Variants in TSPAN15 observed in about 807,000 individuals in gnomAD.
TSPAN15 encodes tetraspanin-15.
TSPAN15 carries 20 observed loss-of-function variants against 34.5 expected under a neutral mutation model. The ratio of observed to expected loss-of-function variants is 0.58; its 90% CI spans 0.41 to 0.84. The LOEUF (loss-of-function observed/expected upper bound fraction) is 0.84, where lower values mean the gene tolerates loss of function less well. Ranked by LOEUF, TSPAN15 falls within the 40% of genes least tolerant of loss-of-function variation. The pLI is 0.00. For synonymous variants in TSPAN15, 155 were observed against 153.9 expected (o/e 1.01, Z -0.05); for missense variants, 313 against 386.1 (o/e 0.81, Z 1.59).
At chr10:69,539,070 C>A in the TSPAN15 span, among the ~76,000 whole-genome samples, 1 of 151,886 alleles carries the variant, frequency 6.6e-6, no homozygotes, top group Non-Finnish European at 1.5e-5. Context: ...GTGACATTAG[C>A]AAGGACAGTC....
chr10:69,500,597 C>T (rs1002575403), intron 5 of TSPAN15, among the ~76,000 whole-genome samples: 3 of 151,974 alleles, frequency 2.0e-5, no homozygotes, highest in Non-Finnish European at 2.9e-5. Flanking sequence ...AGTTCAAGCC[C>T]GAAGGTAGCC....
At chr10:69,534,991 C>A in the TSPAN15 span, among the ~76,000 whole-genome samples, 1 of 151,988 alleles carries the variant, frequency 6.6e-6, no homozygotes, top group South Asian at 2.1e-4. Context: ...TCTCAAAAAA[C>A]AACAAAACCC....
the TSPAN15 span, among the ~76,000 whole-genome samples, chr10:69,539,403 G>A: frequency 0.01 from 847 of 80,716 alleles, 21 homozygotes; most frequent in Middle Eastern, 0.027. Context: ...AGGAAGAAGA[G>A]GAAGAGGAAG....
In TSPAN15 at chr10:69,483,784, A is replaced by G. The variant is rs768838134; in HGVS notation, c.190A>G (p.Ile64Val). 1.2e-6 allele frequency: 2 copies of G among 1,614,168 alleles called. No homozygotes were observed. The highest frequency in any genetic ancestry group is 2.2e-5 in the South Asian group (2 of 91,080). ...TLESAFLAPA[I>V]ILILLGVVMF... is the part of the protein sequence containing the mutation. ...TGAAAGTGCCTTCCTGGCTCCAGCC[A>G]TCATCCTCATCCTCCTGGGCGTCGT... Residue 64 changes from isoleucine (I) to valine (V), a missense_variant, in exon 2 of 8, where the codon ATC (isoleucine) becomes GTC (valine). By Grantham distance (29) the Ile-to-Val change is conservative. Transcript: ENST00000373290.
intron 1 of TSPAN15, among the ~76,000 whole-genome samples, chr10:69,464,620 G>C (rs145477300): frequency 6.6e-6 from 1 of 152,216 alleles, no homozygotes; most frequent in Non-Finnish European, 1.5e-5. Context: ...GCTGTAAAAC[G>C]TGGGATTCCC....
chr10:69,547,560 T>G, the TSPAN15 span, among the ~76,000 whole-genome samples: 1 of 152,246 alleles, frequency 6.6e-6, no homozygotes, highest in Non-Finnish European at 1.5e-5. Flanking sequence ...GTGCATCATT[T>G]TATGTATGCA....
At chr10:69,508,885 G>A (rs1480870807), downstream of TSPAN15, among the ~76,000 whole-genome samples, 1 of 152,188 alleles carries the variant, frequency 6.6e-6, no homozygotes, top group Non-Finnish European at 1.5e-5. Flanking sequence ...CATGGTACTA[G>A]GCATGCAAAA....
Position 69,483,749 on chromosome 10 carries a change from A to G in TSPAN15, c.155A>G (p.Tyr52Cys), listed in dbSNP as rs1424519889. Reference protein sequence around the residue: ...GIYAEVERQKYKTLESAFLAP... With the variant: ...GIYAEVERQKCKTLESAFLAP... Reference sequence around the variant, plus strand: ...TATGCAGAGGTTGAGCGGCAGAAATATAAAACCCTTGAAAGTGCCTTCCTG... The same window carrying G: ...TATGCAGAGGTTGAGCGGCAGAAATGTAAAACCCTTGAAAGTGCCTTCCTG... Residue 52 changes from tyrosine to cysteine, a missense_variant, in exon 2 of 8, where the codon TAT becomes TGT. Transcript: ENST00000373290. 9 of 1,614,158 alleles carry G rather than the reference A, an allele frequency of 5.6e-6. No homozygotes were observed. Among genetic ancestry groups the G allele is most frequent in the East Asian group, 4.5e-5 (2 of 44,878 alleles).
the TSPAN15 span, among the ~76,000 whole-genome samples, chr10:69,524,252 G>A: frequency 6.8e-6 from 1 of 146,986 alleles, no homozygotes; most frequent in Non-Finnish European, 1.5e-5. Context: ...GTGGATCACT[G>A]GAAGCCAGTA....
chr10:69,523,302 G>C, the TSPAN15 span: 8 of 453,272 alleles, frequency 1.8e-5, no homozygotes, highest in South Asian at 2.0e-4. Flanking sequence ...TTAAACAAAA[G>C]GGAACTCAAA....
intron 1 of TSPAN15, among the ~76,000 whole-genome samples, chr10:69,464,049 A>T (rs1325546162): frequency 6.6e-6 from 1 of 152,230 alleles, no homozygotes; most frequent in Non-Finnish European, 1.5e-5. Context: ...AACTGAGTAT[A>T]CACGGCCTTC....
rs1163871530 is a variant in TSPAN15 at position 69,467,640 on chromosome 10, A to AG, written c.96+15950_96+15951insG. 5.1e-5 allele frequency among the ~76,000 whole-genome samples: 3 copies of AG among 59,144 alleles called. No homozygotes were observed. In the Admixed American group the frequency reaches 5.9e-4, roughly 12 times the overall value. 38.8% of individuals were successfully genotyped at this position (59,144 alleles called of 152,430 possible). ...TCTAAACAAAACAAAACAAAACAAC[A>AG]CACACACACACACACACACACACAC... On this transcript the variant is annotated intron_variant, in intron 1 of 7. Transcript: ENST00000373290.
At chr10:69,472,528 G>A (rs1841528600) in intron 1 of TSPAN15, among the ~76,000 whole-genome samples, 1 of 152,184 alleles carries the variant, frequency 6.6e-6, no homozygotes, top group Admixed American at 6.5e-5. Context: ...TATTCCAAAT[G>A]TCTGGTACAT....
intron 1 of TSPAN15, among the ~76,000 whole-genome samples, chr10:69,455,559 CTTTCTTTCTTT>C (rs1841073317): frequency 7.3e-6 from 1 of 136,258 alleles, no homozygotes; most frequent in African/African-American, 3.2e-5. Flanking sequence ...CTCTCTCTCT[CTTTCTTTCTTT>C]CTCTTTTCTT....
At chr10:69,465,200 G>A (rs1172256795) in intron 1 of TSPAN15, among the ~76,000 whole-genome samples, 1 of 151,368 alleles carries the variant, frequency 6.6e-6, no homozygotes. Flanking sequence ...TAGCTTCGGG[G>A]TGTTGGGCTC....
chr10:69,478,602 G>T (rs76363698), intron 1 of TSPAN15, among the ~76,000 whole-genome samples: 1 of 152,068 alleles, frequency 6.6e-6, no homozygotes, highest in African/African-American at 2.4e-5. Context: ...TAGACCAGGG[G>T]TTCTTTTTTT....
At position 69,474,950 on chromosome 10, in the gene TSPAN15, G is replaced by T. The variant is rs888256720; in HGVS notation, c.97-8741G>T. On this transcript the variant is annotated intron_variant, in intron 1 of 7. Transcript: ENST00000373290. ...CTACTGAGTCAGCGGGGTCTGGGGG[G>T]GCCTGGCCGGAGGTCCACCCAGGGC... Among the ~76,000 whole-genome samples, 7 of 152,258 alleles carry T rather than the reference G, an allele frequency of 4.6e-5. No homozygotes were observed. The East Asian group carries it at 1.4e-3, about 29-fold the overall frequency.
Position 69,495,697 on chromosome 10 carries a change from A to G in TSPAN15, c.453+8A>G. The G allele has an allele frequency of 6.2e-7, 1 of 1,609,944 alleles. No homozygotes were observed. The highest frequency in any genetic ancestry group is 8.5e-7 in the Non-Finnish European group (1 of 1,176,204). On this transcript the variant is annotated splice_region_variant and intron_variant, in intron 4 of 7. Transcript: ENST00000373290. Reference sequence around the variant, plus strand: ...GACTTTGTTCAGAAAAAGGTGAGCCAGGCGCTTTGGGGTAGAGATGCGCCT... The same window carrying G: ...GACTTTGTTCAGAAAAAGGTGAGCCGGGCGCTTTGGGGTAGAGATGCGCCT...
At chr10:69,466,381 T>TC (rs934130969) in intron 1 of TSPAN15, among the ~76,000 whole-genome samples, 4 of 151,966 alleles carry the variant, frequency 2.6e-5, no homozygotes, top group East Asian at 1.9e-4. Context: ...CAGATCAGCA[T>TC]CCCCCCGCTG....
Sources: allele counts gnomAD v4.1 joint callset (sites outside exome capture counted in the v4.1 genomes callset), GRCh38; gene constraint gnomAD v4.1.1; transcripts MANE v1.5; gene names NCBI Gene and HGNC (gene_info 2026-07-23, HGNC 2026-07-21).